The following CAAP1 variants were observed in gnomAD, a reference collection of about 807,000 sequenced individuals.
CAAP1 encodes the protein caspase activity and apoptosis inhibitor 1.
CAAP1 carries 20 observed loss-of-function variants against 34.0 expected under a neutral mutation model. The ratio of observed to expected loss-of-function variants is 0.59; its 90% confidence interval spans 0.41 to 0.86. The LOEUF (loss-of-function observed/expected upper bound fraction) is 0.86, where lower values mean the gene tolerates loss of function less well. Ranked by LOEUF, CAAP1 falls within the 40% of genes least tolerant of loss-of-function variation. The pLI is 0.00. For synonymous variants in CAAP1, 213 were observed against 166.7 expected (o/e 1.28, Z -2.14); for missense variants, 538 against 450.5 (o/e 1.19, Z -1.76).
chr9:26,890,665 G>A (rs1403011012), intron 1 of CAAP1, among the ~76,000 whole-genome samples: 1 of 152,168 alleles, frequency 6.6e-6, no homozygotes, highest in East Asian at 1.9e-4. Flanking sequence ...ATAAAAGTTG[G>A]CCGGGCACGG....
chr9:26,846,282 T>C (rs1179169396), intron 5 of CAAP1, among the ~76,000 whole-genome samples: 1 of 151,628 alleles, frequency 6.6e-6, no homozygotes, highest in Non-Finnish European at 1.5e-5. Flanking sequence ...CCGAGCGTGG[T>C]GGCGGGTGCC....
chr9:26,865,490 C>T (rs1823114190), intron 4 of CAAP1, among the ~76,000 whole-genome samples: 1 of 151,586 alleles, frequency 6.6e-6, no homozygotes, highest in South Asian at 2.1e-4. Flanking sequence ...TGCCATTGCA[C>T]TCCAGCCTGG....
At chr9:26,883,231 T>G (rs1004431287) in intron 4 of CAAP1, among the ~76,000 whole-genome samples, 7 of 152,144 alleles carry the variant, frequency 4.6e-5, no homozygotes, top group African/African-American at 1.7e-4. Context: ...CACCCAAATC[T>G]CATCTGGAAT....
At position 26,842,191 on chromosome 9, in the gene CAAP1, T is replaced by C. The variant is rs778308902; in HGVS notation, c.*110A>G. ...AATTTAGGGCTAAAATGAGTCCTAA[T>C]AAGGGTTACATGAGAAATAACATAT... is the stretch of plus-strand genomic sequence containing the variant. On this transcript the variant is annotated 3_prime_UTR_variant, in exon 6 of 6. Transcript: ENST00000333916. 1.8e-5 allele frequency: 15 copies of C among 834,674 alleles called. No homozygotes were observed. The highest frequency in any genetic ancestry group is 3.2e-5 in the Admixed American group (1 of 30,806). 51.7% of individuals were successfully genotyped at this position (834,674 alleles called of 1,614,324 possible).
intron 4 of CAAP1, among the ~76,000 whole-genome samples, chr9:26,862,765 A>G (rs1823032489): frequency 6.6e-6 from 1 of 152,168 alleles, no homozygotes; most frequent in African/African-American, 2.4e-5. Context: ...TGAAATACTG[A>G]TGGGGAACTG....
chr9:26,842,763 C>T (rs1250865554), intron 5 of CAAP1, 116 bp from the exon 6 acceptor site: 1 of 761,342 alleles, frequency 1.3e-6, no homozygotes, highest in Non-Finnish European at 2.1e-6. Flanking sequence ...GAGTCCCAAA[C>T]ACATTCCATA....
rs1490685395 is a variant in CAAP1, at chr9:26,841,452, TGAAAAA to T, written c.*843_*848del. ...AGGTTCCTGAAATTAATTTTGCTTT[TGAAAAA>T]GTATCAAAAGTCTTCAGATCCAGAA... is the stretch of plus-strand genomic sequence containing the variant. On this transcript the variant is annotated 3_prime_UTR_variant, in exon 6 of 6. Coordinates refer to ENST00000333916, the MANE Select transcript of CAAP1 (RefSeq NM_024828.4). The T allele has an allele frequency of 6.6e-6, 1 of 152,564 alleles. No homozygotes were observed. The highest frequency in any genetic ancestry group is 1.5e-5 in the Non-Finnish European group (1 of 67,972). 9.5% of individuals were successfully genotyped at this position (152,564 alleles called of 1,614,324 possible).
chr9:26,847,719 A>G (rs914913699), intron 5 of CAAP1, among the ~76,000 whole-genome samples: 1 of 151,166 alleles, frequency 6.6e-6, no homozygotes, highest in African/African-American at 2.4e-5. Flanking sequence ...CTGTCTTATA[A>G]TTTTATTTAT....
intron 5 of CAAP1, among the ~76,000 whole-genome samples, chr9:26,856,255 A>G (rs1822868512): frequency 6.6e-6 from 1 of 152,140 alleles, no homozygotes; most frequent in Admixed American, 6.5e-5. Flanking sequence ...TAAGATGTAA[A>G]TATCTTCATT....
chr9:26,860,339 T>G (rs1319567276), intron 5 of CAAP1, among the ~76,000 whole-genome samples: 1 of 152,126 alleles, frequency 6.6e-6, no homozygotes, highest in East Asian at 1.9e-4. Flanking sequence ...AAACTACTGA[T>G]TTAAAGAAAG....
chr9:26,841,308 T>G lies in CAAP1; in HGVS notation c.*993A>C, dbSNP rs1822474064. On this transcript the variant is annotated 3_prime_UTR_variant, in exon 6 of 6. Transcript: ENST00000333916. ...TAAGGATCTCTACGTAAATTTATTT[T>G]GGTATCAAACAACTGCAATTAGTGA... 1 of 152,584 alleles carries G rather than the reference T, an allele frequency of 6.6e-6. No individual in the cohort carries two copies. Among genetic ancestry groups the G allele is most frequent in the Non-Finnish European group, 1.5e-5 (1 of 67,986 alleles). The allele number at this position is 152,584 out of a possible 1,614,324, so 9.5% of individuals were successfully genotyped here.
intron 5 of CAAP1, among the ~76,000 whole-genome samples, chr9:26,843,363 T>C (rs1012215681): frequency 2.6e-5 from 4 of 152,232 alleles, no homozygotes; most frequent in South Asian, 2.1e-4. Context: ...GTTCTTGGCA[T>C]TGAATACTAC....
At chr9:26,886,075 T>C (rs370843203) in intron 3 of CAAP1, 29 bp downstream of exon 3, 6 of 1,178,548 alleles carry the variant, frequency 5.1e-6, no homozygotes, top group African/African-American at 4.7e-5. Context: ...ACTAAGAAGT[T>C]GCCAGAATGT....
At position 26,892,678 on chromosome 9, in the gene CAAP1, T is replaced by G; in HGVS notation, c.38A>C (p.Lys13Thr). ...GKKSSREKRR[K>T]RSSQEAAAAL... ...TGCGGCCGCCTCCTGACTGCTACGT[T>G]TGCGCCGTTTCTCCCGGGAGGACTT... The change falls in exon 1 of 6, where the codon AAA (lysine) becomes ACA (threonine). Residue 13 changes from lysine (K) to threonine (T), a missense_variant. By Grantham distance (78) the Lys-to-Thr change is moderately conservative. Coordinates refer to ENST00000333916, the MANE Select transcript of CAAP1 (RefSeq NM_024828.4). 6.2e-7 allele frequency: 1 copy of G among 1,605,002 alleles called. No individual in the cohort carries two copies. Among genetic ancestry groups the G allele is most frequent in the Admixed American group, 1.7e-5 (1 of 59,688 alleles).
chr9:26,888,507 G>A (rs189168201), intron 1 of CAAP1, among the ~76,000 whole-genome samples: 1 of 152,316 alleles, frequency 6.6e-6, no homozygotes, highest in East Asian at 1.9e-4. Context: ...TGACCACAGA[G>A]GTCAGATAGT....
In CAAP1 at chr9:26,892,548, C is replaced by T; in HGVS notation, c.168G>A (p.Gly56=). The T allele has an allele frequency of 6.3e-7, 1 of 1,580,420 alleles. No individual in the cohort carries two copies. Among genetic ancestry groups the T allele is most frequent in the South Asian group, 1.1e-5 (1 of 87,940 alleles). ...AGGCGSVSCC[G]NANFSGSVTG... is the part of the protein sequence containing the mutation. The stretch of plus-strand genomic sequence containing the variant: ...TGACACTTCCACTAAAATTGGCGTT[C>T]CCACAGCAGCTGACGCTCCCGCAGC... Residue 56 remains glycine (G), a synonymous_variant, in exon 1 of 6, where the codon GGG becomes GGA. Coordinates refer to ENST00000333916, the MANE Select transcript of CAAP1 (RefSeq NM_024828.4).
Position 26,886,246 on chromosome 9 carries a change from T to C in CAAP1, c.505-58A>G, listed in dbSNP as rs1051995948. 7.2e-5 allele frequency: 60 copies of C among 829,922 alleles called. 1 individual carries two copies. In the African/African-American group the frequency reaches 1.0e-3, roughly 14 times the overall value. 51.4% of individuals were successfully genotyped at this position (829,922 alleles called of 1,614,324 possible). A position where few individuals can be genotyped will look rare whatever the true frequency, so the allele number is the denominator to read the frequency against. On this transcript the variant is annotated intron_variant, in intron 2 of 5. Coordinates refer to ENST00000333916, the MANE Select transcript of CAAP1 (RefSeq NM_024828.4). Reference sequence around the variant, plus strand: ...TATGTAACACAGCCCCAATGTAAACTGGAAAATTTCAATCATAAAAATTTA... The same window carrying C: ...TATGTAACACAGCCCCAATGTAAACCGGAAAATTTCAATCATAAAAATTTA...
intron 1 of CAAP1, among the ~76,000 whole-genome samples, chr9:26,889,897 C>T (rs115324674): frequency 0.039 from 5,699 of 147,594 alleles, 128 homozygotes; most frequent in Middle Eastern, 0.071. Context: ...AAAGGAACCT[C>T]AATACACAAC....
intron 1 of CAAP1, 63 bp from the exon 2 acceptor site, chr9:26,887,576 T>C: frequency 1.1e-6 from 1 of 929,028 alleles, no homozygotes; most frequent in Non-Finnish European, 1.6e-6. Context: ...AATACGTACA[T>C]GACATCATAC....
Sources: allele counts gnomAD v4.1 joint callset (sites outside exome capture counted in the v4.1 genomes callset), GRCh38; gene constraint gnomAD v4.1.1; transcripts MANE v1.5; gene names NCBI Gene and HGNC (gene_info 2026-07-23, HGNC 2026-07-21).